Variants in LTN1 observed in about 807,000 individuals in gnomAD.
LTN1 encodes the protein listerin E3 ubiquitin protein ligase 1, also known as E3 ubiquitin-protein ligase listerin.
LTN1 carries 88 observed loss-of-function variants against 201.2 expected under a neutral mutation model. The observed-to-expected ratio is 0.44, with a 90% CI of 0.37 to 0.52. The LOEUF (loss-of-function observed/expected upper bound fraction) is 0.52. Ranked by LOEUF, LTN1 falls within the 20% of genes least tolerant of loss-of-function variation. The probability of loss-of-function intolerance (pLI) is 0.00; values close to 1 mark genes in which losing one functional copy is unlikely to be tolerated. For missense variants in LTN1, 1,752 were observed against 2,038.7 expected, an observed-to-expected ratio of 0.86 and a Z score of 2.71; for synonymous variants, 645 against 713.5, an observed-to-expected ratio of 0.90 and a Z score of 1.53.
intron 11 of LTN1, among the ~76,000 whole-genome samples, chr21:28,965,201 A>G (rs1377577459): frequency 6.6e-6 from 1 of 152,214 alleles, no homozygotes; most frequent in Non-Finnish European, 1.5e-5. Flanking sequence ...AGAGTTAGCT[A>G]TGAAAACAGA....
rs2084192208 is a variant in LTN1 at position 28,929,216 on chromosome 21, T to A, written c.*1232A>T. The A allele has an allele frequency of 6.6e-6, 1 of 152,632 alleles. No homozygotes were observed. Among genetic ancestry groups the A allele is most frequent in the South Asian group, 2.1e-4 (1 of 4,832 alleles). 9.5% of individuals were successfully genotyped at this position (152,632 alleles called of 1,614,324 possible). ...TGGAAAGCAGTAATTTTATTTATCA[T>A]GAATTGCTTTTTGCCAATTAAACAT... On this transcript the variant is annotated 3_prime_UTR_variant, in exon 30 of 30. Transcript: ENST00000361371.
chr21:28,959,959 C>G (rs1758531137), intron 12 of LTN1: 3 of 274,530 alleles, frequency 1.1e-5, no homozygotes, highest in Admixed American at 4.8e-5. Context: ...AGTCATGAGT[C>G]AACTTTATGA....
chr21:28,928,527 A>T lies in LTN1; in HGVS notation c.*1921T>A, dbSNP rs1027486285. The T allele has an allele frequency of 1.3e-5, 2 of 152,116 alleles. No individual in the cohort carries two copies. The highest frequency in any genetic ancestry group is 6.5e-5 in the Admixed American group (1 of 15,270). 9.4% of individuals were successfully genotyped at this position (152,116 alleles called of 1,614,324 possible). On this transcript the variant is annotated 3_prime_UTR_variant, in exon 30 of 30. Transcript: ENST00000361371. Reference sequence around the variant, plus strand: ...AAATTTTAAGGGCTGTAATCCTTTTAGTTAGAGTTGTCAACGCTGTACAGA... The same window carrying T: ...AAATTTTAAGGGCTGTAATCCTTTTTGTTAGAGTTGTCAACGCTGTACAGA...
At chr21:28,953,157 A>G in intron 17 of LTN1, 60 bp downstream of exon 17, 1 of 1,293,272 alleles carries the variant, frequency 7.7e-7, no homozygotes, top group East Asian at 2.5e-5. Flanking sequence ...CTCTTACAGA[A>G]GGCAAAGCCA....
At chr21:28,972,429 G>A (rs555173999) in intron 6 of LTN1, among the ~76,000 whole-genome samples, 48 of 138,224 alleles carry the variant, frequency 3.5e-4, no homozygotes, top group African/African-American at 5.7e-4. Context: ...ATAAAATGGC[G>A]TAATATAGTC....
chr21:28,931,120 A>G, intron 29 of LTN1, 35 bp downstream of exon 29: 3 of 1,440,100 alleles, frequency 2.1e-6, no homozygotes, highest in Non-Finnish European at 2.9e-6. Flanking sequence ...TAAAATACAT[A>G]AAATATAAGT....
intron 17 of LTN1, 30 bp from the exon 18 acceptor site, chr21:28,952,294 C>T (rs763818634): frequency 1.1e-5 from 15 of 1,318,890 alleles, no homozygotes; most frequent in East Asian, 2.3e-5. Context: ...AATTATATTC[C>T]GTTTTGAAAG....
At chr21:28,948,270 CTTTTT>C (rs869195177) in intron 18 of LTN1, among the ~76,000 whole-genome samples, 2 of 126,664 alleles carry the variant, frequency 1.6e-5, no homozygotes, top group African/African-American at 5.7e-5. Context: ...TCTTTTCTTT[CTTTTT>C]TTTTTTTTTT....
chr21:28,969,522 T>C lies in LTN1; in HGVS notation c.1255A>G (p.Ile419Val). 1 of 1,613,008 alleles carries C rather than the reference T, an allele frequency of 6.2e-7. No homozygotes were observed. The highest frequency in any genetic ancestry group is 8.5e-7 in the Non-Finnish European group (1 of 1,179,400). Residue 419 changes from isoleucine to valine, a missense_variant, in exon 9 of 30, where the codon ATA becomes GTA. This residue lies in a region of LTN1 where 1,211 missense variants were observed against 1,312.8 expected (regional missense o/e 0.92). Transcript: ENST00000361371. The part of the protein sequence containing the change: ...ISAFFECLRF[I>V]MQQNLGEEEI... ...TCCTCACCTAAGTTTTGCTGCATTA[T>C]AAAACGTAAGCATTCAAAAAAAGCA...
Position 28,958,453 on chromosome 21 carries a change from T to C in LTN1, c.2680A>G (p.Thr894Ala). The C allele has an allele frequency of 1.2e-6, 2 of 1,612,174 alleles. No individual in the cohort carries two copies. The highest frequency in any genetic ancestry group is 1.7e-6 in the Non-Finnish European group (2 of 1,179,128). Residue 894 changes from threonine (T) to alanine (A), a missense_variant, in exon 14 of 30, where the codon ACC (threonine) becomes GCC (alanine). Physicochemically the swap from Thr to Ala is moderately conservative, Grantham distance 58 (BLOSUM62 0). Coordinates refer to ENST00000361371, the MANE Select transcript of LTN1 (RefSeq NM_015565.3). ...HQTDSSYKES[T>A]FLHLSALWLK... ...CACAGAGCAGACAAATGTAGGAAGG[T>C]ACTCTCTTTATATGAACTGTCAGTT...
chr21:28,964,632 G>A, intron 11 of LTN1: 1 of 1,550,194 alleles, frequency 6.5e-7, no homozygotes, highest in South Asian at 1.2e-5. Context: ...CTGCCTAGCT[G>A]TAAGGAGATG....
Position 28,929,466 on chromosome 21 carries a change from G to A in LTN1, c.*982C>T, listed in dbSNP as rs1448212954. ...GCTAAAATCCTTAACTTTCATTTCT[G>A]AAGGCTGAAAAACATTTGCTCCCCC... On this transcript the variant is annotated 3_prime_UTR_variant, in exon 30 of 30. Transcript: ENST00000361371. 1.3e-5 allele frequency: 2 copies of A among 152,254 alleles called. No homozygotes were observed. The highest frequency in any genetic ancestry group is 4.8e-5 in the African/African-American group (2 of 41,414). 9.4% of individuals were successfully genotyped at this position (152,254 alleles called of 1,614,324 possible). A position where few individuals can be genotyped will look rare whatever the true frequency, so the allele number is the denominator to read the frequency against.
At chr21:28,944,270 T>C in intron 22 of LTN1, 113 bp downstream of exon 22, 1 of 780,096 alleles carries the variant, frequency 1.3e-6, no homozygotes, top group Non-Finnish European at 2.1e-6. Flanking sequence ...CTTCTGGCTT[T>C]TTCTTTTACT....
In LTN1 at chr21:28,970,742, C is replaced by G. The variant is rs755351368; in HGVS notation, c.985G>C (p.Asp329His). Residue 329 changes from aspartate to histidine, a missense_variant and splice_region_variant, in exon 8 of 30, where the codon GAC becomes CAC. Physicochemically the swap from Asp to His is moderately conservative, Grantham distance 81. Coordinates refer to ENST00000361371, the MANE Select transcript of LTN1 (RefSeq NM_015565.3). ...TTTGCATTTACATGAAGCCAACAGT[C>G]CTAACCAAACAAAAGATTATAGTAG... Reference protein sequence around the residue: ...AVLYTLTTIEDCWLHVNAKKS... With the variant: ...AVLYTLTTIEHCWLHVNAKKS... The G allele has an allele frequency of 4.3e-6, 7 of 1,609,348 alleles. No individual in the cohort carries two copies. The South Asian group carries it at 4.4e-5, about 10-fold the overall frequency.
chr21:28,957,493 GAACTT>G lies in LTN1; in HGVS notation c.2748-22_2748-18del. On this transcript the variant is annotated intron_variant, in intron 14 of 29. Coordinates refer to ENST00000361371, the MANE Select transcript of LTN1 (RefSeq NM_015565.3). ...ACTTGGAGACTAAAAATAATGCAGA[GAACTT>G]AACTGTTGTAGTTACGCTATGACTA... is the stretch of plus-strand genomic sequence containing the variant. 6.6e-7 allele frequency: 1 copy of G among 1,524,212 alleles called. No individual in the cohort carries two copies. The highest frequency in any genetic ancestry group is 8.8e-7 in the Non-Finnish European group (1 of 1,136,712). 94.4% of individuals were successfully genotyped at this position (1,524,212 alleles called of 1,614,324 possible). A position where few individuals can be genotyped will look rare whatever the true frequency, so the allele number is the denominator to read the frequency against.
At position 28,928,881 on chromosome 21, in the gene LTN1, G is replaced by A. The variant is rs944541104; in HGVS notation, c.*1567C>T. 2.6e-5 allele frequency: 4 copies of A among 152,354 alleles called. No homozygotes were observed. The highest frequency in any genetic ancestry group is 4.8e-5 in the African/African-American group (2 of 41,344). The allele number at this position is 152,354 out of a possible 1,614,324, so 9.4% of individuals were successfully genotyped here. A position where few individuals can be genotyped will look rare whatever the true frequency, so the allele number is the denominator to read the frequency against. On this transcript the variant is annotated 3_prime_UTR_variant, in exon 30 of 30. Transcript: ENST00000361371. Reference sequence around the variant, plus strand: ...TTAAAGGAAAAGTAATAACTTTCACGGGGAGTAACACAATCCTTTGGGATT... The same window carrying A: ...TTAAAGGAAAAGTAATAACTTTCACAGGGAGTAACACAATCCTTTGGGATT...
chr21:28,960,968 C>T (rs1325189338), intron 11 of LTN1: 1 of 300,398 alleles, frequency 3.3e-6, no homozygotes, highest in East Asian at 6.3e-5. Flanking sequence ...AACTTAAAAT[C>T]CCATCCATTC....
At chr21:28,953,436 C>T (rs2146281316) in intron 16 of LTN1, 60 bp from the exon 17 acceptor site, 2 of 1,240,866 alleles carry the variant, frequency 1.6e-6, no homozygotes, top group Non-Finnish European at 2.2e-6. Flanking sequence ...CCTTCAATTA[C>T]TTTCACTTCT....
intron 26 of LTN1, among the ~76,000 whole-genome samples, chr21:28,936,238 AT>A (rs1322956146): frequency 6.6e-6 from 1 of 152,188 alleles, no homozygotes; most frequent in African/African-American, 2.4e-5. Flanking sequence ...ATTTCCCCTG[AT>A]TTATATGCCT....
Sources: gnomAD v4.1 joint callset for allele counts (sites outside exome capture counted in the v4.1 genomes callset) on GRCh38, gnomAD v4.1.1 for gene constraint, gnomAD v4.1.1 regional missense constraint, MANE v1.5 for transcripts, NCBI Gene and HGNC (gene_info 2026-07-23, HGNC 2026-07-21) for gene names.